Variants in NT5C2 observed in about 807,000 individuals in gnomAD.
NT5C2 encodes cytosolic purine 5'-nucleotidase.
NT5C2 carries 58 observed loss-of-function variants against 76.1 expected under a neutral mutation model. The ratio of observed to expected loss-of-function variants is 0.76; its 90% CI spans 0.62 to 0.95. The LOEUF (loss-of-function observed/expected upper bound fraction) is 0.95. Ranked by LOEUF, NT5C2 falls within the 40% of genes least tolerant of loss-of-function variation. The probability of loss-of-function intolerance (pLI) is 0.00; values close to 1 mark genes in which losing one functional copy is unlikely to be tolerated. For synonymous variants in NT5C2, 229 were observed against 237.4 expected (o/e 0.96, Z 0.32); for missense variants, 478 against 690.3 (o/e 0.69, Z 3.45).
chr10:103,112,188 G>C (rs1305760529), intron 4 of NT5C2, among the ~76,000 whole-genome samples: 1 of 152,082 alleles, frequency 6.6e-6, no homozygotes, highest in Non-Finnish European at 1.5e-5. Flanking sequence ...GCTGGCAAAT[G>C]GTGTTTAAAA....
intron 4 of NT5C2, 47 bp from the exon 5 acceptor site, chr10:103,106,753 T>C (rs1590868563): frequency 9.1e-7 from 1 of 1,100,444 alleles, no homozygotes; most frequent in East Asian, 2.4e-5. Flanking sequence ...GAACAGCCAA[T>C]TAAAACAGAA....
intron 3 of NT5C2, among the ~76,000 whole-genome samples, chr10:103,150,867 T>C (rs921498121): frequency 6.6e-6 from 1 of 152,232 alleles, no homozygotes; most frequent in Admixed American, 6.5e-5. Flanking sequence ...TTATCAGATA[T>C]AAACATATTC....
At chr10:103,135,483 ACTT>A (rs1348272642) in intron 4 of NT5C2, among the ~76,000 whole-genome samples, 2 of 150,642 alleles carry the variant, frequency 1.3e-5, no homozygotes, top group Non-Finnish European at 3.0e-5. Flanking sequence ...AGTCCATTAA[ACTT>A]CTTTCTGGTT....
chr10:103,094,639 T>C (rs2067713816), intron 12 of NT5C2, 184 bp from the exon 13 acceptor site: 1 of 532,058 alleles, frequency 1.9e-6, no homozygotes. Context: ...ATCCCAGTAC[T>C]TTGGGAGGCC....
rs1319809123 is a variant in NT5C2 at position 103,091,581 on chromosome 10, G to T, written c.1194C>A (p.Phe398Leu). The change falls in exon 16 of 19, where the codon TTC becomes TTA. Residue 398 changes from phenylalanine (F) to leucine (L), a missense_variant. By Grantham distance (22) the Phe-to-Leu change is conservative (BLOSUM62 0). Transcript: ENST00000404739. ...LFEELQSLDI[F>L]LAELYKHLDS... ...AAACTTACTTGTAGAGTTCAGCCAA[G>T]AAAATATCCAAGCTCTGAAGTTCTT... The T allele has an allele frequency of 6.2e-7, 1 of 1,613,426 alleles. No individual in the cohort carries two copies. Among genetic ancestry groups the T allele is most frequent in the Non-Finnish European group, 8.5e-7 (1 of 1,179,490 alleles).
chr10:103,095,129 G>C (rs1003664810), intron 12 of NT5C2, among the ~76,000 whole-genome samples: 1 of 152,148 alleles, frequency 6.6e-6, no homozygotes, highest in Admixed American at 6.5e-5. Context: ...ACAGAGGCAG[G>C]CATCAGAGCT....
intron 1 of NT5C2, among the ~76,000 whole-genome samples, chr10:103,189,859 G>A (rs1591957521): frequency 6.6e-6 from 1 of 151,322 alleles, no homozygotes; most frequent in Admixed American, 6.6e-5. Flanking sequence ...TAGTAGAGAC[G>A]GGGTTTCACC....
intron 3 of NT5C2, among the ~76,000 whole-genome samples, chr10:103,160,923 T>A (rs2084695496): frequency 1.3e-5 from 2 of 151,696 alleles, no homozygotes; most frequent in African/African-American, 4.8e-5. Flanking sequence ...GGCAGGAGAA[T>A]CACTTGAACC....
chr10:103,118,469 A>G (rs2074907705), intron 4 of NT5C2, among the ~76,000 whole-genome samples: 1 of 148,778 alleles, frequency 6.7e-6, no homozygotes, highest in African/African-American at 2.5e-5. Context: ...CAATTCTCCC[A>G]CCTCAGCCTC....
chr10:103,109,837 A>T (rs1191387635), intron 4 of NT5C2, among the ~76,000 whole-genome samples: 1 of 152,198 alleles, frequency 6.6e-6, no homozygotes, highest in African/African-American at 2.4e-5. Flanking sequence ...TTCAGTGAAA[A>T]ACAATACAGG....
intron 3 of NT5C2, chr10:103,153,240 A>T: frequency 8.3e-7 from 1 of 1,208,394 alleles, no homozygotes; most frequent in Non-Finnish European, 1.1e-6. Flanking sequence ...CATGCAGATG[A>T]TACCTCTTCA....
intron 4 of NT5C2, among the ~76,000 whole-genome samples, chr10:103,116,911 T>C (rs967842712): frequency 2.6e-5 from 4 of 152,208 alleles, no homozygotes; most frequent in African/African-American, 7.2e-5. Context: ...GTCAATATTA[T>C]AGCCTTAATG....
intron 3 of NT5C2, among the ~76,000 whole-genome samples, chr10:103,172,316 G>A (rs1433183128): frequency 1.4e-5 from 2 of 146,096 alleles, no homozygotes; most frequent in South Asian, 2.2e-4. Context: ...TGGTGTGATC[G>A]CAGCTCACTG....
intron 1 of NT5C2, among the ~76,000 whole-genome samples, chr10:103,187,641 TTAAAA>T (rs994462698): frequency 2.6e-5 from 4 of 152,126 alleles, no homozygotes; most frequent in African/African-American, 9.7e-5. Context: ...TAAATGCTTA[TTAAAA>T]TAACTTAAAA....
Position 103,128,988 on chromosome 10 carries a change from C to A in NT5C2, c.175+10418G>T, listed in dbSNP as rs1342923207. ...CGGGAGGGAGGTAGGGGGGGGTCAA[C>A]CCCCCGCCCGGCCAGCCGCCCCATC... On this transcript the variant is annotated intron_variant, in intron 4 of 18. Transcript: ENST00000404739. Among the ~76,000 whole-genome samples, 2 of 112,522 alleles carry A rather than the reference C, an allele frequency of 1.8e-5. 1 individual carries two copies. The allele number at this position is 112,522 out of a possible 152,430, so 73.8% of individuals were successfully genotyped here. A position where few individuals can be genotyped will look rare whatever the true frequency, so the allele number is the denominator to read the frequency against.
intron 4 of NT5C2, among the ~76,000 whole-genome samples, chr10:103,110,445 G>A (rs2072704363): frequency 1.3e-5 from 2 of 152,162 alleles, no homozygotes; most frequent in South Asian, 4.1e-4. Context: ...AACAGAGTGA[G>A]ACTTCATCTC....
chr10:103,105,650 T>C, intron 6 of NT5C2, 56 bp downstream of exon 6: 1 of 1,142,852 alleles, frequency 8.8e-7, no homozygotes, highest in Non-Finnish European at 1.3e-6. Context: ...GATGATGTCA[T>C]CTTCACATTG....
At chr10:103,155,348 A>C (rs1450540763) in intron 3 of NT5C2, among the ~76,000 whole-genome samples, 1 of 152,240 alleles carries the variant, frequency 6.6e-6, no homozygotes, top group Non-Finnish European at 1.5e-5. Context: ...TACCTCATCT[A>C]ATCTTTGCAA....
intron 3 of NT5C2, among the ~76,000 whole-genome samples, chr10:103,160,148 TA>T (rs1198377537): frequency 3.3e-5 from 5 of 152,154 alleles, no homozygotes; most frequent in African/African-American, 1.2e-4. Flanking sequence ...GTGAAAAGAA[TA>T]GTCTTTTCAA....
Sources: gnomAD v4.1 joint callset for allele counts (sites outside exome capture counted in the v4.1 genomes callset) on GRCh38, gnomAD v4.1.1 for gene constraint, MANE v1.5 for transcripts, NCBI Gene and HGNC (gene_info 2026-07-23, HGNC 2026-07-21) for gene names.